Variants in ZFHX3 observed in about 807,000 individuals in gnomAD.
The protein encoded by ZFHX3 is zinc finger homeobox 3.
A neutral mutation model predicts 279.1 loss-of-function variants in ZFHX3; 42 were observed. That is an observed-to-expected ratio of 0.15 (90% CI 0.12 to 0.19). The LOEUF (loss-of-function observed/expected upper bound fraction) is 0.19, where lower values mean the gene tolerates loss of function less well. ZFHX3 is among the 10% of genes least tolerant of loss of function. The probability of loss-of-function intolerance (pLI) is 1.00; values close to 1 mark genes in which losing one functional copy is unlikely to be tolerated. For missense variants in ZFHX3, 4,981 were observed against 4,754.0 expected (o/e 1.05, Z -1.40); for synonymous variants, 2,293 against 1,957.8 (o/e 1.17, Z -4.52).
At chr16:73,398,650 C>T (rs1301193539) in intron 3 of ZFHX3, among the ~76,000 whole-genome samples, 1 of 152,258 alleles carries the variant, frequency 6.6e-6, no homozygotes, top group South Asian at 2.1e-4. Flanking sequence ...CCACTGGTCC[C>T]CACATAATTT....
chr16:73,065,781 TTC>T (rs1356792220), intron 8 of ZFHX3, among the ~76,000 whole-genome samples: 1 of 152,162 alleles, frequency 6.6e-6, no homozygotes, highest in Non-Finnish European at 1.5e-5. Context: ...CGCATCAACT[TTC>T]TCTTTTTCAA....
At chr16:73,859,341 T>G (rs768730671) in intron 1 of ZFHX3, among the ~76,000 whole-genome samples, 19 of 152,200 alleles carry the variant, frequency 1.2e-4, no homozygotes, top group Non-Finnish European at 2.4e-4. Context: ...ATTAAAGCCT[T>G]GATGATGATC....
rs1176476052 is a variant in ZFHX3 at position 73,172,988 on chromosome 16, GTTTTTTTGTTTTTTTTTTTGTT to G, written c.-1103-29179_-1103-29158del. On this transcript the variant is annotated intron_variant, in intron 5 of 17. Transcript: ENST00000641206. ...CCCCCTGCTGTTTCCTGATGGGACT[GTTTTTTTGTTTTTTTTTTTGTT>G]TTTTTTTTTTTTTTTTGGGAGGGGA... Among the ~76,000 whole-genome samples, 23 of 46,158 alleles carry G rather than the reference GTTTTTTTGTTTTTTTTTTTGTT, an allele frequency of 5.0e-4. 1 individual carries two copies. The highest frequency in any genetic ancestry group is 8.7e-4 in the East Asian group (1 of 1,154). 30.3% of individuals were successfully genotyped at this position (46,158 alleles called of 152,430 possible). A position where few individuals can be genotyped will look rare whatever the true frequency, so the allele number is the denominator to read the frequency against.
At chr16:73,148,083 C>T (rs889275434) in intron 5 of ZFHX3, among the ~76,000 whole-genome samples, 3 of 152,170 alleles carry the variant, frequency 2.0e-5, no homozygotes, top group Admixed American at 6.5e-5. Flanking sequence ...CCATGGCCCA[C>T]TATTGTAAAT....
At chr16:72,917,293 C>T (rs186453083) in intron 3 of ZFHX3, among the ~76,000 whole-genome samples, 1 of 152,188 alleles carries the variant, frequency 6.6e-6, no homozygotes, top group Non-Finnish European at 1.5e-5. Context: ...GAAGTTTTCG[C>T]CATGTAAAAT....
chr16:73,239,918 A>G (rs1246737302), intron 5 of ZFHX3, among the ~76,000 whole-genome samples: 1 of 152,190 alleles, frequency 6.6e-6, no homozygotes, highest in Non-Finnish European at 1.5e-5. Flanking sequence ...GGGGAAATAG[A>G]GAATTAGGTT....
At chr16:73,252,267 A>T (rs886100056) in intron 5 of ZFHX3, among the ~76,000 whole-genome samples, 6 of 152,198 alleles carry the variant, frequency 3.9e-5, no homozygotes, top group Admixed American at 3.9e-4. Context: ...GGCCTGGAAG[A>T]AGAAAAGACT....
intron 1 of ZFHX3, among the ~76,000 whole-genome samples, chr16:73,746,117 G>A (rs1597092511): frequency 1.3e-5 from 2 of 152,010 alleles, no homozygotes; most frequent in African/African-American, 4.8e-5. Flanking sequence ...GAGGGGAATG[G>A]GTGGGAAGAG....
intron 1 of ZFHX3, among the ~76,000 whole-genome samples, chr16:73,835,346 A>G (rs1027213126): frequency 6.6e-6 from 1 of 151,926 alleles, no homozygotes; most frequent in African/African-American, 2.4e-5. Flanking sequence ...CAGGTAGTCA[A>G]GAAAATTATT....
At chr16:73,613,447 T>G (rs201368060) in intron 2 of ZFHX3, among the ~76,000 whole-genome samples, 16 of 149,162 alleles carry the variant, frequency 1.1e-4, no homozygotes, top group Non-Finnish European at 1.9e-4. Flanking sequence ...GCTTTTTTTG[T>G]TTGTTTGTTT....
chr16:72,920,478 G>A lies in ZFHX3; in HGVS notation c.3216+29991C>T, dbSNP rs1192350376. Among the ~76,000 whole-genome samples the A allele has an allele frequency of 2.9e-4, 44 of 150,930 alleles. 1 individual carries two copies. Among genetic ancestry groups the A allele is most frequent in the Admixed American group, 2.7e-3 (41 of 15,128 alleles). Reference sequence around the variant, plus strand: ...GTGGATCACCTGAGGTCAGAAGTTCGAGACCAGCCTGGCCAACATGGCGAA... The same window carrying A: ...GTGGATCACCTGAGGTCAGAAGTTCAAGACCAGCCTGGCCAACATGGCGAA... On this transcript the variant is annotated intron_variant, in intron 3 of 9. Transcript: ENST00000268489.
intron 4 of ZFHX3, among the ~76,000 whole-genome samples, chr16:72,858,840 G>A (rs1020751028): frequency 2.0e-5 from 3 of 152,228 alleles, no homozygotes; most frequent in African/African-American, 7.2e-5. Context: ...GCGGGTCAGG[G>A]CTGGCCTCCC....
intron 4 of ZFHX3, among the ~76,000 whole-genome samples, chr16:73,271,403 C>T (rs982155624): frequency 6.6e-6 from 1 of 152,214 alleles, no homozygotes; most frequent in Admixed American, 6.5e-5. Context: ...AGTGGCTTTT[C>T]CCGAGCCACT....
At chr16:73,615,289 C>G (rs1271183626) in intron 2 of ZFHX3, among the ~76,000 whole-genome samples, 1 of 151,992 alleles carries the variant, frequency 6.6e-6, no homozygotes, top group African/African-American at 2.4e-5. Flanking sequence ...CTAGAATAGC[C>G]AGAGATGACG....
chr16:72,960,268 C>T (rs541666402), intron 1 of ZFHX3, 74 bp from the exon 2 acceptor site: 6 of 1,252,344 alleles, frequency 4.8e-6, no homozygotes, highest in East Asian at 2.5e-5. Context: ...TTAGGAGGGC[C>T]GAGGCTGAGG....
chr16:72,815,897 C>T (rs1419540453), intron 5 of ZFHX3, among the ~76,000 whole-genome samples: 2 of 152,138 alleles, frequency 1.3e-5, no homozygotes, highest in Non-Finnish European at 2.9e-5. Flanking sequence ...GATTTGGAAA[C>T]AATCTAGATA....
chr16:73,345,463 C>G (rs2143269252), intron 3 of ZFHX3, among the ~76,000 whole-genome samples: 1 of 147,806 alleles, frequency 6.8e-6, no homozygotes, highest in South Asian at 2.2e-4. Context: ...CACTCTTCAG[C>G]TCCTACTTAT....
intron 4 of ZFHX3, among the ~76,000 whole-genome samples, chr16:72,866,242 G>A (rs2038020441): frequency 1.3e-5 from 2 of 152,116 alleles, no homozygotes. Context: ...TCAGAAAGAA[G>A]GTTGCACCCA....
chr16:73,648,978 T>A (rs2052646175), intron 2 of ZFHX3, among the ~76,000 whole-genome samples: 1 of 152,216 alleles, frequency 6.6e-6, no homozygotes. Context: ...GTCCTCTAGA[T>A]GCACATATCT....
Sources: gnomAD v4.1 joint callset for allele counts (sites outside exome capture counted in the v4.1 genomes callset) on GRCh38, gnomAD v4.1.1 for gene constraint, MANE v1.5 for transcripts, NCBI Gene and HGNC (gene_info 2026-07-23, HGNC 2026-07-21) for gene names.